The following ZNF326 variants were observed in gnomAD, a reference collection of about 807,000 sequenced individuals.
ZNF326 encodes the protein DBIRD complex subunit ZNF326.
Under a neutral mutation model 63.1 loss-of-function variants are expected in ZNF326, and 30 were observed. The observed-to-expected ratio is 0.48, with a 90% confidence interval of 0.36 to 0.64. The LOEUF (loss-of-function observed/expected upper bound fraction) is 0.64, where lower values mean the gene tolerates loss of function less well. Ranked by LOEUF, ZNF326 falls within the 30% of genes least tolerant of loss-of-function variation. The probability of loss-of-function intolerance (pLI) is 0.00; values close to 1 mark genes in which losing one functional copy is unlikely to be tolerated. For missense variants in ZNF326, 609 were observed against 720.3 expected (o/e 0.85, Z 1.77); for synonymous variants, 194 against 228.2 (o/e 0.85, Z 1.35).
At position 90,018,704 on chromosome 1, in the gene ZNF326, T is replaced by C; in HGVS notation, c.1094T>C (p.Phe365Ser). The C allele has an allele frequency of 1.3e-6, 2 of 1,578,286 alleles. No homozygotes were observed. The highest frequency in any genetic ancestry group is 1.7e-6 in the Non-Finnish European group (2 of 1,162,286). ...TTCTAGGAGTGTATGGTGAATAAAT[T>C]CAAGAAAACATCTATTCGTAAGCAA... ...EFLHECMVNK[F>S]KKTSIRKQQT... Residue 365 changes from phenylalanine to serine, a missense_variant, in exon 9 of 12, where the codon TTC (phenylalanine) becomes TCC (serine). Phe to Ser is a radical substitution (Grantham distance 155). Transcript: ENST00000340281.
At chr1:89,998,031 T>A in intron 1 of ZNF326, 79 bp from the exon 2 acceptor site, 1 of 1,349,778 alleles carries the variant, frequency 7.4e-7, no homozygotes, top group Non-Finnish European at 1.0e-6. Context: ...ATTGTGCTTG[T>A]TTTTTACTGG....
intron 4 of ZNF326, chr1:90,005,713 C>G: frequency 1.0e-6 from 1 of 984,872 alleles, no homozygotes; most frequent in South Asian, 4.7e-5. Context: ...AAGAAACATT[C>G]AGGACATATT....
In ZNF326 at chr1:90,007,558, G is replaced by A; in HGVS notation, c.423G>A (p.Leu141=). The change falls in exon 5 of 12, where the codon TTG becomes TTA. Residue 141 remains leucine (L), a synonymous_variant. Transcript: ENST00000340281. This position sits in a 1 kb window ranked among gnomAD's most constrained non-coding sequence, Gnocchi z 4.9. ...AAGCACCTTACTCCCGTTCAAAATT[G>A]AGGCCTGGGTTTATGGAGGACAGAG... The part of the protein sequence containing the change: ...SWEAPYSRSK[L]RPGFMEDRGR... The A allele has an allele frequency of 6.2e-7, 1 of 1,613,950 alleles. No individual in the cohort carries two copies. Among genetic ancestry groups the A allele is most frequent in the Non-Finnish European group, 8.5e-7 (1 of 1,179,948 alleles).
chr1:90,020,738 T>A, intron 9 of ZNF326, 54 bp from the exon 10 acceptor site: 1 of 1,550,180 alleles, frequency 6.5e-7, no homozygotes, highest in East Asian at 2.3e-5. Context: ...AAAAACTTCA[T>A]TGGTCAGAAA....
At position 90,031,817 on chromosome 1, in the gene ZNF326, C is replaced by G. The variant is rs1434031141; in HGVS notation, c.*4116C>G. The G allele has an allele frequency of 2.6e-5, 4 of 152,194 alleles. No individual in the cohort carries two copies. The highest frequency in any genetic ancestry group is 9.7e-5 in the African/African-American group (4 of 41,418). The allele number at this position is 152,194 out of a possible 1,614,324, so 9.4% of individuals were successfully genotyped here. ...TCAAGTGATCTGCCTGCCTTGGCCTCCCAAAGTGCTGGGATTATAGGCATG... is the reference window on the plus strand; with the variant it reads ...TCAAGTGATCTGCCTGCCTTGGCCTGCCAAAGTGCTGGGATTATAGGCATG... On this transcript the variant is annotated 3_prime_UTR_variant, in exon 12 of 12. Transcript: ENST00000340281.
intron 1 of ZNF326, among the ~76,000 whole-genome samples, chr1:89,996,701 T>G (rs903757299): frequency 5.9e-5 from 9 of 151,704 alleles, no homozygotes; most frequent in Middle Eastern, 3.4e-3. Context: ...ATCGTGCCAT[T>G]GCACTCTAGC....
chr1:90,020,211 C>T (rs993974022), intron 9 of ZNF326, among the ~76,000 whole-genome samples: 2 of 152,010 alleles, frequency 1.3e-5, no homozygotes, highest in Non-Finnish European at 1.5e-5. Context: ...AATTCCTAGG[C>T]GTGGCACATA....
At position 90,030,424 on chromosome 1, in the gene ZNF326, C is replaced by T. The variant is rs1216628653; in HGVS notation, c.*2723C>T. 1 of 151,280 alleles carries T rather than the reference C, an allele frequency of 6.6e-6. No individual in the cohort carries two copies. Among genetic ancestry groups the T allele is most frequent in the Non-Finnish European group, 1.5e-5 (1 of 67,950 alleles). The allele number at this position is 151,280 out of a possible 1,614,324, so 9.4% of individuals were successfully genotyped here. On this transcript the variant is annotated 3_prime_UTR_variant, in exon 12 of 12. Transcript: ENST00000340281. ...TAGCTTTACAACTTTATATCATATA[C>T]CATTCTTACCAGCCATAATGGCCTT... is the stretch of plus-strand genomic sequence containing the variant.
Position 89,995,346 on chromosome 1 carries a change from G to A in ZNF326, c.16+73G>A, listed in dbSNP as rs1461980149. The stretch of plus-strand genomic sequence containing the variant: ...GGCCTACGCAGGGGGTCTGTTTACC[G>A]TCTCAAGATGGCCGTGTGGGCTTTG... On this transcript the variant is annotated intron_variant, in intron 1 of 11. Coordinates refer to ENST00000340281, the MANE Select transcript of ZNF326 (RefSeq NM_182976.4). 4 of 1,501,344 alleles carry A rather than the reference G, an allele frequency of 2.7e-6. No individual in the cohort carries two copies. In the African/African-American group the frequency reaches 4.4e-5, roughly 16 times the overall value. 93.0% of individuals were successfully genotyped at this position (1,501,344 alleles called of 1,614,324 possible).
rs1327568447 is a variant in ZNF326, at chr1:90,027,358, A to C, written c.1406A>C (p.Glu469Ala). ...AGCCATTTCTTATGTTTTTAGGGTG[A>C]GAATCCTTTTGAAATTCAAGACCAT... The part of the protein sequence containing the change: ...KARYERFVKG[E>A]NPFEIQDHSQ... The change falls in exon 12 of 12, where the codon GAG becomes GCG. Residue 469 changes from glutamate to alanine, a missense_variant. Physicochemically the swap from Glu to Ala is moderately radical, Grantham distance 107. Coordinates refer to ENST00000340281, the MANE Select transcript of ZNF326 (RefSeq NM_182976.4). 1 of 1,613,474 alleles carries C rather than the reference A, an allele frequency of 6.2e-7. No individual in the cohort carries two copies. The highest frequency in any genetic ancestry group is 1.7e-5 in the Admixed American group (1 of 59,896).
intron 11 of ZNF326, among the ~76,000 whole-genome samples, chr1:90,025,185 A>G (rs988027271): frequency 1.9e-4 from 29 of 152,284 alleles, no homozygotes; most frequent in Admixed American, 8.5e-4. Context: ...GTTCTCAACC[A>G]GAGGAATGTG....
chr1:90,005,095 G>T (rs1557518109), intron 3 of ZNF326, 38 bp from the exon 4 acceptor site: 2 of 1,613,924 alleles, frequency 1.2e-6, no homozygotes, highest in Non-Finnish European at 1.7e-6. Context: ...CAGTAAAGGT[G>T]AGCATCATAT....
chr1:90,027,819 A>G lies in ZNF326; in HGVS notation c.*118A>G, dbSNP rs191938062. The G allele has an allele frequency of 6.9e-5, 63 of 906,542 alleles. No individual in the cohort carries two copies. In the Middle Eastern group the frequency reaches 1.1e-3, roughly 16 times the overall value. 56.2% of individuals were successfully genotyped at this position (906,542 alleles called of 1,614,324 possible). ...CCATGTTGCATGCATTCCACATATT[A>G]AAATTTGTTTTATATAATTTCTAAA... On this transcript the variant is annotated 3_prime_UTR_variant, in exon 12 of 12. Coordinates refer to ENST00000340281, the MANE Select transcript of ZNF326 (RefSeq NM_182976.4).
intron 6 of ZNF326, 48 bp from the exon 7 acceptor site, chr1:90,013,078 G>T (rs377556743): frequency 1.3e-6 from 2 of 1,485,664 alleles, no homozygotes; most frequent in Non-Finnish European, 1.8e-6. Context: ...TGGAAAGAGA[G>T]AATGGAAAAA....
rs772474899 is a variant in ZNF326 at position 89,998,163 on chromosome 1, C to T, written c.61+9C>T. 1 of 1,612,480 alleles carries T rather than the reference C, an allele frequency of 6.2e-7. No individual in the cohort carries two copies. The highest frequency in any genetic ancestry group is 1.1e-5 in the South Asian group (1 of 90,834). On this transcript the variant is annotated intron_variant, in intron 2 of 11. Coordinates refer to ENST00000340281, the MANE Select transcript of ZNF326 (RefSeq NM_182976.4). ...TTATCAGGGCTTTAATGGTAAGTAT[C>T]CTCTTTCAGCTTTTCTCTTCATGCG... is the stretch of plus-strand genomic sequence containing the variant.
chr1:90,018,963 A>G (rs534612908), intron 9 of ZNF326, among the ~76,000 whole-genome samples, 179 bp downstream of exon 9: 91 of 152,238 alleles, frequency 6.0e-4, no homozygotes, highest in Middle Eastern at 3.4e-3. Context: ...CAAATTTATC[A>G]TTACCTGCCA....
At chr1:89,996,738 T>TG (rs1648396468) in intron 1 of ZNF326, among the ~76,000 whole-genome samples, 1 of 148,708 alleles carries the variant, frequency 6.7e-6, no homozygotes, top group African/African-American at 2.5e-5. Flanking sequence ...AAACTTCGTC[T>TG]GAAAAAAAAA....
In ZNF326 at chr1:90,020,826, G is replaced by C. The variant is rs781099364; in HGVS notation, c.1209G>C (p.Glu403Asp). The C allele has an allele frequency of 2.5e-6, 4 of 1,612,722 alleles. No homozygotes were observed. The African/African-American group carries it at 4.0e-5, about 16-fold the overall frequency. ...TAGATGATCACATGATGAAGGTAGA[G>C]ACAGTTCATTGCAGCGCTTGCAGTG... ...VTVDDHMMKV[E>D]TVHCSACSVY... Residue 403 changes from glutamate to aspartate, a missense_variant, in exon 10 of 12, where the codon GAG (glutamate) becomes GAC (aspartate). By Grantham distance (45) the Glu-to-Asp change is conservative. This residue lies in a region of ZNF326 where 399 missense variants were observed against 444.3 expected (regional missense o/e 0.90). Transcript: ENST00000340281.
At chr1:89,997,520 C>T (rs1217089674) in intron 1 of ZNF326, among the ~76,000 whole-genome samples, 5 of 151,960 alleles carry the variant, frequency 3.3e-5, no homozygotes, top group East Asian at 1.9e-4. Context: ...ACTACAGGCA[C>T]GCACCACCAG....
Sources: gnomAD v4.1 joint callset for allele counts (sites outside exome capture counted in the v4.1 genomes callset) on GRCh38, gnomAD v4.1.1 for gene constraint, gnomAD v4.1.1 regional missense constraint, Gnocchi (gnomAD v3.1) non-coding constraint, MANE v1.5 for transcripts, NCBI Gene and HGNC (gene_info 2026-07-23, HGNC 2026-07-21) for gene names.